PTP4A1: variants seen among roughly 807,000 people sequenced by gnomAD.
PTP4A1 encodes protein tyrosine phosphatase type IVA 1.
In PTP4A1, 9 loss-of-function variants were observed where a neutral mutation model predicts 20.5. That is an observed-to-expected ratio of 0.44 (90% CI 0.26 to 0.77). PTP4A1 has a LOEUF of 0.77. Among genes scored for constraint, PTP4A1 ranks in the 30% least tolerant of loss-of-function variants. PTP4A1 has a pLI of 0.19. For synonymous variants in PTP4A1, 78 were observed against 67.4 expected, an observed-to-expected ratio of 1.16 and a Z score of -0.77; for missense variants, 137 against 218.8, an observed-to-expected ratio of 0.63 and a Z score of 2.36.
chr6:63,582,819 C>G lies in PTP4A1; in HGVS notation c.*2645C>G, dbSNP rs2149520788. On this transcript the variant is annotated 3_prime_UTR_variant, in exon 6 of 6. Transcript: ENST00000626021. ...CAACCATTGTTTCCCCTAGTGCCCT[C>G]TTTTCCCTAGGGCATTGCTCTCCTA... 1 of 152,322 alleles carries G rather than the reference C, an allele frequency of 6.6e-6. No individual in the cohort carries two copies. Among genetic ancestry groups the G allele is most frequent in the East Asian group, 1.9e-4 (1 of 5,186 alleles). The allele number at this position is 152,322 out of a possible 1,614,324, so 9.4% of individuals were successfully genotyped here.
At chr6:63,520,669 A>T (rs912860012), upstream of PTP4A1, among the ~76,000 whole-genome samples, 2 of 151,168 alleles carry the variant, frequency 1.3e-5, no homozygotes, top group African/African-American at 4.9e-5. Flanking sequence ...AAATAAATAA[A>T]TAAAATGAAA....
At chr6:63,522,556 A>G (rs1396070203) in intron 1 of PTP4A1, among the ~76,000 whole-genome samples, 1 of 152,208 alleles carries the variant, frequency 6.6e-6, no homozygotes, top group Non-Finnish European at 1.5e-5. Flanking sequence ...TTTGAGGTAG[A>G]AAAGGGCTCT....
At chr6:63,533,128 T>G (rs1252509829) in intron 2 of PTP4A1, among the ~76,000 whole-genome samples, 1 of 152,334 alleles carries the variant, frequency 6.6e-6, no homozygotes, top group African/African-American at 2.4e-5. Flanking sequence ...ATGCCTATGA[T>G]CCCAGCACTT....
At chr6:63,534,165 G>A (rs1775598923) in intron 2 of PTP4A1, among the ~76,000 whole-genome samples, 1 of 151,944 alleles carries the variant, frequency 6.6e-6, no homozygotes, top group Admixed American at 6.6e-5. Context: ...TTTTAATGTG[G>A]AAACTGCCAT....
intron 3 of PTP4A1, among the ~76,000 whole-genome samples, chr6:63,555,755 G>A (rs866603362): frequency 6.7e-6 from 1 of 149,696 alleles, no homozygotes; most frequent in African/African-American, 2.5e-5. Flanking sequence ...GTGCAATGGC[G>A]TGATCCCGGC....
chr6:63,535,554 G>T (rs1358596833), intron 2 of PTP4A1, among the ~76,000 whole-genome samples: 1 of 152,132 alleles, frequency 6.6e-6, no homozygotes, highest in African/African-American at 2.4e-5. Context: ...AAAATTAGTG[G>T]CATTTGCCAG....
At chr6:63,554,008 A>T (rs1006502673) in intron 3 of PTP4A1, among the ~76,000 whole-genome samples, 2 of 152,218 alleles carry the variant, frequency 1.3e-5, no homozygotes, top group Non-Finnish European at 2.9e-5. Context: ...TCCAATTACC[A>T]GTCTAGAAAT....
At chr6:63,551,195 A>G (rs2149490183) in intron 3 of PTP4A1, among the ~76,000 whole-genome samples, 1 of 152,052 alleles carries the variant, frequency 6.6e-6, no homozygotes, top group East Asian at 1.9e-4. Flanking sequence ...CCTCCCAAAT[A>G]GCTGGGACTA....
chr6:63,525,350 G>A (rs1775113193), intron 1 of PTP4A1, among the ~76,000 whole-genome samples: 1 of 152,306 alleles, frequency 6.6e-6, no homozygotes, highest in African/African-American at 2.4e-5. Context: ...GTTAGATTCT[G>A]CCAATGGGGG....
At chr6:63,579,105 A>G (rs1022269371) in intron 4 of PTP4A1, 77 bp downstream of exon 4, 2 of 1,411,886 alleles carry the variant, frequency 1.4e-6, no homozygotes, top group African/African-American at 3.0e-5. Flanking sequence ...AAATTCTTAT[A>G]ATTTTTTAAT....
At chr6:63,533,816 T>C (rs1775579859) in intron 2 of PTP4A1, among the ~76,000 whole-genome samples, 2 of 148,740 alleles carry the variant, frequency 1.3e-5, no homozygotes, top group Non-Finnish European at 3.0e-5. Context: ...ATATAGCAAA[T>C]TCCTGAACAA....
In PTP4A1 at chr6:63,540,959, C is replaced by T. The variant is rs148840238; in HGVS notation, c.-639-9341C>T. The stretch of plus-strand genomic sequence containing the variant: ...CGGAGGTTGCAGTGAGCCAAGATCA[C>T]GCCAGTGCACTCCAGCCTGGGTGAC... On this transcript the variant is annotated intron_variant, in intron 2 of 3. Transcript: ENST00000639568. 8.6e-3 allele frequency among the ~76,000 whole-genome samples: 1,269 copies of T among 148,146 alleles called. 39 individuals are homozygous for T. The highest frequency in any genetic ancestry group is 0.06 in the Admixed American group (883 of 14,826).
At chr6:63,564,008 C>A (rs780016077) in intron 3 of PTP4A1, among the ~76,000 whole-genome samples, 2 of 152,214 alleles carry the variant, frequency 1.3e-5, no homozygotes, top group Non-Finnish European at 2.9e-5. Context: ...TTAATGGTGG[C>A]TCACGCCTGT....
intron 3 of PTP4A1, among the ~76,000 whole-genome samples, chr6:63,566,916 C>T (rs181240163): frequency 1.4e-3 from 207 of 152,334 alleles, no homozygotes; most frequent in Non-Finnish European, 1.9e-3. Flanking sequence ...TTCAACAATG[C>T]TTACGGCATC....
chr6:63,548,897 G>C, intron 2 of PTP4A1: 1 of 873,364 alleles, frequency 1.1e-6, no homozygotes, highest in Non-Finnish European at 1.9e-6. Flanking sequence ...TAACCTGTAT[G>C]AAGGCGACAG....
intron 3 of PTP4A1, among the ~76,000 whole-genome samples, chr6:63,557,897 T>C (rs762736972): frequency 2.3e-4 from 34 of 148,872 alleles, no homozygotes; most frequent in Admixed American, 6.1e-4. Flanking sequence ...AACATATGCT[T>C]TTTTTTTTTT....
In PTP4A1 at chr6:63,522,326, C is replaced by G. The variant is rs111455943; in HGVS notation, c.-906+500C>G. On this transcript the variant is annotated intron_variant, in intron 1 of 3. Coordinates refer to the PTP4A1 transcript ENST00000639568. Reference sequence around the variant, plus strand: ...AGATAAGATGTCCAGAAACCATATTCATGATGTAAATGAGATCACCTTGTA... The same window carrying G: ...AGATAAGATGTCCAGAAACCATATTGATGATGTAAATGAGATCACCTTGTA... 5.9e-3 allele frequency among the ~76,000 whole-genome samples: 903 copies of G among 152,244 alleles called. 10 individuals are homozygous for G. The highest frequency in any genetic ancestry group is 0.02 in the African/African-American group (839 of 41,542).
At chr6:63,525,657 A>G (rs1240301927) in intron 1 of PTP4A1, among the ~76,000 whole-genome samples, 1 of 152,002 alleles carries the variant, frequency 6.6e-6, no homozygotes, top group African/African-American at 2.4e-5. Flanking sequence ...TCCAGCTTCC[A>G]CCTTCTCCAA....
chr6:63,534,452 A>AACACACACAC (rs61533550), intron 2 of PTP4A1, among the ~76,000 whole-genome samples: 2 of 144,416 alleles, frequency 1.4e-5, no homozygotes, highest in African/African-American at 2.6e-5. Flanking sequence ...CACACAGAGA[A>AACACACACAC]ACACACACAC....
Sources: allele counts gnomAD v4.1 joint callset (sites outside exome capture counted in the v4.1 genomes callset), GRCh38; gene constraint gnomAD v4.1.1; transcripts MANE v1.5; gene names NCBI Gene and HGNC (gene_info 2026-07-23, HGNC 2026-07-21).